PALLD: variants seen among roughly 807,000 people sequenced by gnomAD.
The protein encoded by PALLD is palladin.
Under a neutral mutation model 123.5 loss-of-function variants are expected in PALLD, and 61 were observed. The observed-to-expected ratio is 0.49, with a 90% CI of 0.40 to 0.61. PALLD has a LOEUF of 0.61. Among genes scored for constraint, PALLD ranks in the 20% least tolerant of loss-of-function variants. PALLD has a pLI of 0.00. For missense variants in PALLD, 1,273 were observed against 1,377.0 expected (o/e 0.92, Z 1.20); for synonymous variants, 465 against 496.4 (o/e 0.94, Z 0.84).
intron 10 of PALLD, among the ~76,000 whole-genome samples, chr4:168,854,496 C>T (rs958680084): frequency 9.9e-5 from 15 of 152,254 alleles, no homozygotes; most frequent in African/African-American, 2.9e-4. Context: ...CAGAAGTAGG[C>T]CCTGTGCCGA....
rs576673915 is a variant in PALLD at position 168,844,117 on chromosome 4, G to A, written c.1965-46805G>A. On this transcript the variant is annotated intron_variant, in intron 10 of 21. Transcript: ENST00000505667. This position sits in a 1 kb window ranked among gnomAD's most constrained non-coding sequence, Gnocchi z 4.5. ...AATCCCTACTTAGGAGGAAAGTCAC[G>A]TATCTGGTTGTGCAAATCAAAGAGC... The A allele has an allele frequency of 2.6e-5, 4 of 152,304 alleles. No homozygotes were observed. Among genetic ancestry groups the A allele is most frequent in the Admixed American group, 1.3e-4 (2 of 15,296 alleles). The allele number at this position is 152,304 out of a possible 1,614,324, so 9.4% of individuals were successfully genotyped here.
At chr4:168,603,060 C>T (rs1772831925) in intron 2 of PALLD, among the ~76,000 whole-genome samples, 2 of 152,186 alleles carry the variant, frequency 1.3e-5, no homozygotes, top group African/African-American at 2.4e-5. Context: ...AGCCATCATA[C>T]CTGGCCCTGA....
chr4:168,731,020 C>T (rs1188508213), intron 10 of PALLD, among the ~76,000 whole-genome samples: 1 of 152,178 alleles, frequency 6.6e-6, no homozygotes, highest in Non-Finnish European at 1.5e-5. Flanking sequence ...TGCCTTCCTA[C>T]AAACTTTCAG....
At chr4:168,874,642 GC>G (rs1231045217) in intron 10 of PALLD, among the ~76,000 whole-genome samples, 3 of 75,770 alleles carry the variant, frequency 4.0e-5, no homozygotes, top group Non-Finnish European at 8.4e-5. Context: ...GGAAAATATA[GC>G]CACAGATTTT....
intron 2 of PALLD, among the ~76,000 whole-genome samples, chr4:168,639,625 G>C (rs1776708363): frequency 2.0e-5 from 3 of 150,508 alleles, no homozygotes; most frequent in African/African-American, 4.9e-5. Context: ...CTCACTGCAA[G>C]CTCCACCTCC....
At chr4:168,677,995 ACAAGCTTTAC>A (rs2150065164) in intron 3 of PALLD, 1 of 152,504 alleles carries the variant, frequency 6.6e-6, no homozygotes, top group South Asian at 2.1e-4. Context: ...TCGTCCCCAG[ACAAGCTTTAC>A]CACTTCCCAG....
At chr4:168,531,856 A>G (rs190771179) in intron 2 of PALLD, among the ~76,000 whole-genome samples, 2 of 152,224 alleles carry the variant, frequency 1.3e-5, no homozygotes, top group African/African-American at 4.8e-5. Context: ...GAGGGGCTGG[A>G]GTTTTACAGG....
At chr4:168,643,561 CT>C (rs1482732233) in intron 2 of PALLD, among the ~76,000 whole-genome samples, 1 of 152,164 alleles carries the variant, frequency 6.6e-6, no homozygotes, top group East Asian at 1.9e-4. Flanking sequence ...TGCCAATGTA[CT>C]TTGAAACTTT....
intron 2 of PALLD, among the ~76,000 whole-genome samples, chr4:168,649,592 A>G (rs1461875685): frequency 2.6e-5 from 4 of 152,218 alleles, no homozygotes; most frequent in Non-Finnish European, 5.9e-5. Flanking sequence ...AGAAATTATA[A>G]CAGCCAGCTA....
At chr4:168,659,890 A>C (rs1204973705) in intron 2 of PALLD, among the ~76,000 whole-genome samples, 2 of 152,260 alleles carry the variant, frequency 1.3e-5, no homozygotes, top group Non-Finnish European at 2.9e-5. Context: ...TGTTAGTATT[A>C]AAATAGATAC....
intron 1 of PALLD, among the ~76,000 whole-genome samples, chr4:168,503,468 G>GAA (rs1761640957): frequency 6.6e-6 from 1 of 152,004 alleles, no homozygotes; most frequent in Admixed American, 6.5e-5. Context: ...CTAACAAGGG[G>GAA]AAACCCTGTC....
intron 2 of PALLD, among the ~76,000 whole-genome samples, chr4:168,593,436 C>CAAAAAAAAAAGAA (rs1554047269): frequency 9.7e-6 from 1 of 103,312 alleles, no homozygotes; most frequent in African/African-American, 3.8e-5. Context: ...AGTCACCAGG[C>CAAAAAAAAAAGAA]AAAAAAAAAA....
intron 1 of PALLD, among the ~76,000 whole-genome samples, 163 bp downstream of exon 1, chr4:168,497,357 G>A (rs1221768781): frequency 2.0e-5 from 3 of 151,972 alleles, no homozygotes; most frequent in Admixed American, 6.6e-5. Context: ...AGAATGTTAC[G>A]GTTTTGCCAA....
chr4:168,614,609 T>A (rs1414171220), intron 2 of PALLD, among the ~76,000 whole-genome samples: 1 of 152,196 alleles, frequency 6.6e-6, no homozygotes, highest in Non-Finnish European at 1.5e-5. Flanking sequence ...TGCCTTTGCT[T>A]TTGCATAGTG....
At chr4:168,662,798 A>G (rs1779248975) in intron 2 of PALLD, among the ~76,000 whole-genome samples, 1 of 152,244 alleles carries the variant, frequency 6.6e-6, no homozygotes, top group South Asian at 2.1e-4. Flanking sequence ...ACTGAACTAA[A>G]CAAACATGAC....
rs1352713888 is a variant in PALLD at position 168,717,810 on chromosome 4, AT to A, written c.1964+5889del. Among the ~76,000 whole-genome samples the A allele has an allele frequency of 6.6e-5, 10 of 152,356 alleles. No homozygotes were observed. The East Asian group carries it at 1.9e-3, about 29-fold the overall frequency. On this transcript the variant is annotated intron_variant, in intron 10 of 21. Transcript: ENST00000505667. ...TAAGAATCTCATGGGATAGAATTAC[AT>A]TAGAAAAGTTTGTCCAAGTTACTTA...
At chr4:168,559,370 T>G (rs1319239949) in intron 2 of PALLD, among the ~76,000 whole-genome samples, 1 of 151,570 alleles carries the variant, frequency 6.6e-6, no homozygotes, top group African/African-American at 2.4e-5. Flanking sequence ...GCATGAGATA[T>G]TGACCCAACC....
intron 10 of PALLD, among the ~76,000 whole-genome samples, chr4:168,805,872 C>T (rs899074979): frequency 1.2e-4 from 18 of 152,152 alleles, no homozygotes; most frequent in African/African-American, 4.1e-4. Flanking sequence ...TAGTATCTAG[C>T]ACAACTTAGT....
chr4:168,688,127 A>G (rs536948008), intron 6 of PALLD, among the ~76,000 whole-genome samples: 4 of 152,018 alleles, frequency 2.6e-5, no homozygotes, highest in African/African-American at 9.6e-5. Context: ...CTGGTTTTGG[A>G]GGGGTAGGTT....
Sources: gnomAD v4.1 joint callset for allele counts (sites outside exome capture counted in the v4.1 genomes callset) on GRCh38, gnomAD v4.1.1 for gene constraint, Gnocchi (gnomAD v3.1) non-coding constraint, MANE v1.5 for transcripts, NCBI Gene and HGNC (gene_info 2026-07-23, HGNC 2026-07-21) for gene names.